Variants in FHIT observed in about 807,000 individuals in gnomAD.
FHIT encodes the protein bis(5'-adenosyl)-triphosphatase.
FHIT carries 19 observed loss-of-function variants against 17.9 expected under a neutral mutation model. That is an observed-to-expected ratio of 1.06 (90% CI 0.74 to 1.56). The LOEUF is 1.56. Ranked by LOEUF, FHIT falls within the 40% of genes most tolerant of loss-of-function variation. The pLI, the probability that FHIT is intolerant of heterozygous loss-of-function variation, is 0.00. For synonymous variants in FHIT, 81 were observed against 69.7 expected, an observed-to-expected ratio of 1.16 and a Z score of -0.81; for missense variants, 248 against 189.2, an observed-to-expected ratio of 1.31 and a Z score of -1.82.
chr3:60,567,873 G>C (rs1202575476), intron 4 of FHIT, among the ~76,000 whole-genome samples: 3 of 152,146 alleles, frequency 2.0e-5, no homozygotes, highest in African/African-American at 7.2e-5. Context: ...ATCATCACTG[G>C]CCATCAGAGA....
At chr3:60,517,573 G>C (rs1294921670) in intron 5 of FHIT, among the ~76,000 whole-genome samples, 1 of 152,088 alleles carries the variant, frequency 6.6e-6, no homozygotes, top group Non-Finnish European at 1.5e-5. Flanking sequence ...GGTTAACTGG[G>C]AATTGCCATA....
intron 4 of FHIT, among the ~76,000 whole-genome samples, chr3:60,754,337 T>G (rs535870060): frequency 6.6e-6 from 1 of 152,334 alleles, no homozygotes; most frequent in East Asian, 1.9e-4. Context: ...GATATCATCT[T>G]AAGCGTGATA....
chr3:60,769,722 CTA>C (rs1438750281), intron 4 of FHIT, among the ~76,000 whole-genome samples: 1 of 152,192 alleles, frequency 6.6e-6, no homozygotes, highest in Non-Finnish European at 1.5e-5. Flanking sequence ...ATTCAGCAGT[CTA>C]TGTGTGGTTG....
At chr3:60,532,496 C>A (rs888501140) in intron 5 of FHIT, among the ~76,000 whole-genome samples, 1 of 152,104 alleles carries the variant, frequency 6.6e-6, no homozygotes, top group Non-Finnish European at 1.5e-5. Flanking sequence ...CACTGAGACA[C>A]AGGAATAAAA....
intron 3 of FHIT, among the ~76,000 whole-genome samples, chr3:60,872,421 C>T (rs1308176872): frequency 6.6e-6 from 1 of 152,114 alleles, no homozygotes; most frequent in East Asian, 1.9e-4. Flanking sequence ...AGATATTTCA[C>T]ATCAGTGGGA....
intron 2 of FHIT, among the ~76,000 whole-genome samples, chr3:61,137,625 A>C (rs1411505432): frequency 2.6e-5 from 4 of 152,216 alleles, no homozygotes; most frequent in African/African-American, 9.6e-5. Context: ...CCAAACTGTG[A>C]CAGTGTGGTC....
At chr3:60,548,903 G>A (rs970373352) in intron 4 of FHIT, among the ~76,000 whole-genome samples, 1 of 152,102 alleles carries the variant, frequency 6.6e-6, no homozygotes, top group African/African-American at 2.4e-5. Flanking sequence ...AACCCATCAC[G>A]GGGATTTGAC....
At chr3:61,108,352 A>G (rs569556784) in intron 2 of FHIT, among the ~76,000 whole-genome samples, 114 of 152,308 alleles carry the variant, frequency 7.5e-4, no homozygotes, top group African/African-American at 2.7e-3. Flanking sequence ...TATTCATTCA[A>G]CATTCACTCA....
rs370075056 is a variant in FHIT at position 60,165,607 on chromosome 3, T to C, written c.104-151455A>G. ...CCTGTCAGGGATACAAAATGAAGAC[T>C]AAGACTAAGAATGTCAAATGAGATT... On this transcript the variant is annotated intron_variant, in intron 5 of 9. Coordinates refer to ENST00000492590, the MANE Select transcript of FHIT (RefSeq NM_002012.4). Among the ~76,000 whole-genome samples the C allele has an allele frequency of 1.0e-3, 159 of 152,220 alleles. 1 individual carries two copies. In the South Asian group the frequency reaches 0.032, roughly 30 times the overall value.
At chr3:59,824,518 G>A (rs1206341833) in intron 8 of FHIT, among the ~76,000 whole-genome samples, 1 of 152,242 alleles carries the variant, frequency 6.6e-6, no homozygotes, top group Non-Finnish European at 1.5e-5. Flanking sequence ...GCCAGCCTTT[G>A]AATTGATAGG....
chr3:59,823,681 A>G (rs983076793), intron 8 of FHIT, among the ~76,000 whole-genome samples: 2 of 152,214 alleles, frequency 1.3e-5, no homozygotes, highest in African/African-American at 4.8e-5. Flanking sequence ...CAAAATCGGC[A>G]TATAAGGGGC....
intron 8 of FHIT, among the ~76,000 whole-genome samples, chr3:59,860,006 G>T (rs1206018836): frequency 6.6e-6 from 1 of 151,938 alleles, no homozygotes. Flanking sequence ...TATCTGAAAG[G>T]GAATATCTAT....
At chr3:59,818,944 G>A (rs1700698816) in intron 8 of FHIT, among the ~76,000 whole-genome samples, 1 of 152,178 alleles carries the variant, frequency 6.6e-6, no homozygotes, top group Admixed American at 6.5e-5. Flanking sequence ...TTTTTGCAAT[G>A]ACTACTCTGT....
intron 2 of FHIT, among the ~76,000 whole-genome samples, chr3:61,146,391 A>G (rs1412931803): frequency 2.0e-5 from 3 of 152,054 alleles, no homozygotes; most frequent in Non-Finnish European, 4.4e-5. Flanking sequence ...AGTGCACAAT[A>G]TGGTTATTAG....
chr3:60,789,032 C>G (rs956620218), intron 4 of FHIT, among the ~76,000 whole-genome samples: 1 of 150,088 alleles, frequency 6.7e-6, no homozygotes, highest in African/African-American at 2.5e-5. Flanking sequence ...CTAAGGTAAA[C>G]TAAACACAGG....
intron 5 of FHIT, among the ~76,000 whole-genome samples, chr3:60,391,042 G>T (rs1701211351): frequency 6.6e-6 from 1 of 152,002 alleles, no homozygotes; most frequent in South Asian, 2.1e-4. Flanking sequence ...ATAAAAATTA[G>T]CCAGGTGTGG....
chr3:59,864,861 TCATTTAGAAGGGAGGC>T, intron 8 of FHIT, among the ~76,000 whole-genome samples: 1 of 152,052 alleles, frequency 6.6e-6, no homozygotes, highest in East Asian at 1.9e-4. Flanking sequence ...TGCATGCTGT[TCATTTAGAAGGGAGGC>T]CTAATTCTTT....
At chr3:60,901,648 C>A in intron 3 of FHIT, among the ~76,000 whole-genome samples, 1 of 152,120 alleles carries the variant, frequency 6.6e-6, no homozygotes. Flanking sequence ...TAAGTATTAC[C>A]CTCTGCTAAC....
rs1290910563 is a variant in FHIT, at chr3:60,442,341, T to TC, written c.103+94518dup. On this transcript the variant is annotated intron_variant, in intron 5 of 9. Transcript: ENST00000492590. ...AAGATGGTCTATAGAAAAGAAAAACTCCCCCCATGCCTATGTCCTGAATGG... is the reference window on the plus strand; with the variant it reads ...AAGATGGTCTATAGAAAAGAAAAACTCCCCCCCATGCCTATGTCCTGAATGG... 5.3e-5 allele frequency among the ~76,000 whole-genome samples: 8 copies of TC among 152,012 alleles called. No individual in the cohort carries two copies. In the East Asian group the frequency reaches 1.6e-3, roughly 30 times the overall value.
Sources: gnomAD v4.1 joint callset for allele counts (sites outside exome capture counted in the v4.1 genomes callset) on GRCh38, gnomAD v4.1.1 for gene constraint, MANE v1.5 for transcripts, NCBI Gene and HGNC (gene_info 2026-07-23, HGNC 2026-07-21) for gene names.